Variants in GLIS3 observed in about 807,000 individuals in gnomAD.
GLIS3 encodes the protein GLIS family zinc finger 3, also known as zinc finger protein GLIS3.
In GLIS3, 53 loss-of-function variants were observed where a neutral mutation model predicts 78.6. The observed-to-expected ratio is 0.67, with a 90% CI of 0.54 to 0.85. GLIS3 has a LOEUF of 0.85. GLIS3 is among the 40% of genes least tolerant of loss of function. The probability of loss-of-function intolerance (pLI) is 0.00; values close to 1 mark genes in which losing one functional copy is unlikely to be tolerated. For missense variants in GLIS3, 1,703 were observed against 1,231.1 expected (o/e 1.38, Z -5.74); for synonymous variants, 684 against 509.9 (o/e 1.34, Z -4.60).
At chr9:3,831,941 T>C (rs1818068415) in intron 9 of GLIS3, among the ~76,000 whole-genome samples, 1 of 151,908 alleles carries the variant, frequency 6.6e-6, no homozygotes, top group Non-Finnish European at 1.5e-5. Context: ...ACCATATCTA[T>C]AGTTGTCTTT....
At chr9:4,141,426 G>C (rs2130988553) in intron 2 of GLIS3, among the ~76,000 whole-genome samples, 1 of 152,338 alleles carries the variant, frequency 6.6e-6, no homozygotes, top group East Asian at 1.9e-4. Flanking sequence ...ACTCCTAGAG[G>C]CTATGTGGGG....
intron 2 of GLIS3, among the ~76,000 whole-genome samples, chr9:4,320,228 A>C (rs1587383883): frequency 6.6e-6 from 1 of 152,076 alleles, no homozygotes. Flanking sequence ...TGTCTCCCTG[A>C]CCCTGCATGC....
At chr9:3,965,393 T>C (rs904804188) in intron 4 of GLIS3, among the ~76,000 whole-genome samples, 2 of 151,848 alleles carry the variant, frequency 1.3e-5, no homozygotes, top group Admixed American at 1.3e-4. Context: ...GGGGTTTCAC[T>C]ATGTTAGTCA....
At chr9:4,467,606 C>T in the GLIS3 span, among the ~76,000 whole-genome samples, 6 of 152,138 alleles carry the variant, frequency 3.9e-5, no homozygotes, top group African/African-American at 1.4e-4. Flanking sequence ...ACAGAAAGGA[C>T]ATCCACACCA....
At chr9:4,196,435 C>T (rs1382586172) in intron 2 of GLIS3, among the ~76,000 whole-genome samples, 1 of 152,210 alleles carries the variant, frequency 6.6e-6, no homozygotes, top group South Asian at 2.1e-4. Flanking sequence ...TTCTTTCGCT[C>T]TTTGCGATAA....
intron 2 of GLIS3, among the ~76,000 whole-genome samples, chr9:4,340,556 T>C (rs1213498020): frequency 2.0e-5 from 3 of 152,182 alleles, no homozygotes; most frequent in Non-Finnish European, 2.9e-5. Context: ...TGTGTATTTG[T>C]GGTGGCAGGA....
Position 3,929,159 on chromosome 9 carries a change from C to T in GLIS3, c.1983+3201G>A, listed in dbSNP as rs772226202. On this transcript the variant is annotated intron_variant, in intron 6 of 10. Coordinates refer to ENST00000381971, the MANE Select transcript of GLIS3 (RefSeq NM_001042413.2). ...ACCACAGTTGGTGACTTGAGTATTT[C>T]GCTACCCATTTTTCTGTGTAACCCT... 9.9e-5 allele frequency among the ~76,000 whole-genome samples: 15 copies of T among 152,216 alleles called. No individual in the cohort carries two copies. In the Middle Eastern group the frequency reaches 0.014, roughly 138 times the overall value.
At chr9:3,912,463 AATACTTCATTTAG>A (rs1163231798) in intron 6 of GLIS3, among the ~76,000 whole-genome samples, 5 of 152,194 alleles carry the variant, frequency 3.3e-5, no homozygotes, top group Non-Finnish European at 7.3e-5. Flanking sequence ...CGGGAATGTT[AATACTTCATTTAG>A]ATGTCCTTTT....
intron 2 of GLIS3, among the ~76,000 whole-genome samples, chr9:4,193,296 T>C (rs1172049029): frequency 6.6e-6 from 1 of 152,224 alleles, no homozygotes; most frequent in Non-Finnish European, 1.5e-5. Flanking sequence ...CAAATCTTGG[T>C]GCCAATAAAT....
intron 4 of GLIS3, among the ~76,000 whole-genome samples, chr9:3,959,365 T>A (rs1242350736): frequency 6.6e-6 from 1 of 152,218 alleles, no homozygotes; most frequent in Non-Finnish European, 1.5e-5. Context: ...AAGAAATACA[T>A]TTCTGTTGTT....
chr9:4,386,264 T>C, the GLIS3 span: 3 of 152,316 alleles, frequency 2.0e-5, no homozygotes, highest in East Asian at 5.8e-4. Context: ...ATAATAAAAA[T>C]TGTGTCTATA....
chr9:4,210,122 T>G (rs1820254677), intron 2 of GLIS3, among the ~76,000 whole-genome samples: 1 of 152,228 alleles, frequency 6.6e-6, no homozygotes, highest in Non-Finnish European at 1.5e-5. Flanking sequence ...AAAGATGCTT[T>G]CTTCAGAACA....
intron 2 of GLIS3, among the ~76,000 whole-genome samples, chr9:4,127,834 C>G (rs188046135): frequency 1.3e-5 from 2 of 152,238 alleles, no homozygotes; most frequent in African/African-American, 2.4e-5. Context: ...TGCCTATTTC[C>G]TTTTCAGAAA....
chr9:4,084,685 A>G (rs1828870586), intron 4 of GLIS3, among the ~76,000 whole-genome samples: 1 of 152,184 alleles, frequency 6.6e-6, no homozygotes. Flanking sequence ...CATTACAGAA[A>G]GTTATAAACA....
intron 2 of GLIS3, among the ~76,000 whole-genome samples, chr9:4,181,694 G>C (rs1486213104): frequency 6.6e-6 from 1 of 152,234 alleles, no homozygotes. Context: ...TTCACTGTGA[G>C]TCTTGCTTTG....
chr9:4,223,917 C>A (rs1055870200), intron 2 of GLIS3, among the ~76,000 whole-genome samples: 1 of 151,442 alleles, frequency 6.6e-6, no homozygotes, highest in African/African-American at 2.4e-5. Context: ...GTTGTTCCTA[C>A]AGTGAAAACA....
At chr9:4,294,966 A>T (rs1283474505) in intron 1 of GLIS3, among the ~76,000 whole-genome samples, 1 of 152,226 alleles carries the variant, frequency 6.6e-6, no homozygotes, top group African/African-American at 2.4e-5. Flanking sequence ...GTGTGACCAT[A>T]ATCATGAATC....
At chr9:3,867,146 T>A (rs6476723) in intron 8 of GLIS3, among the ~76,000 whole-genome samples, 1 of 152,234 alleles carries the variant, frequency 6.6e-6, no homozygotes, top group Non-Finnish European at 1.5e-5. Flanking sequence ...TCTTGATTTT[T>A]CTCCATTATC....
At chr9:4,126,716 A>T (rs1356128791) in intron 2 of GLIS3, among the ~76,000 whole-genome samples, 1 of 152,252 alleles carries the variant, frequency 6.6e-6, no homozygotes, top group Non-Finnish European at 1.5e-5. Context: ...TGACTCATTT[A>T]TAAAAAAATC....
Sources: allele counts gnomAD v4.1 joint callset (sites outside exome capture counted in the v4.1 genomes callset), GRCh38; gene constraint gnomAD v4.1.1; transcripts MANE v1.5; gene names NCBI Gene and HGNC (gene_info 2026-07-23, HGNC 2026-07-21).